The following MGAT4C variants were observed in gnomAD, a reference collection of about 807,000 sequenced individuals.
MGAT4C encodes MGAT4 family member C, also known as alpha-1,3-mannosyl-glycoprotein 4-beta-N-acetylglucosaminyltransferase C.
Under a neutral mutation model 40.1 loss-of-function variants are expected in MGAT4C, and 19 were observed. The ratio of observed to expected loss-of-function variants is 0.47; its 90% CI spans 0.33 to 0.70. The LOEUF (loss-of-function observed/expected upper bound fraction) is 0.70. MGAT4C is among the 30% of genes least tolerant of loss of function. The probability of loss-of-function intolerance (pLI) is 0.02; values close to 1 mark genes in which losing one functional copy is unlikely to be tolerated. For missense variants in MGAT4C, 491 were observed against 563.2 expected, an observed-to-expected ratio of 0.87 and a Z score of 1.30; for synonymous variants, 181 against 187.1, an observed-to-expected ratio of 0.97 and a Z score of 0.27.
chr12:86,392,153 T>C (rs540528511), intron 3 of MGAT4C, among the ~76,000 whole-genome samples: 6 of 152,186 alleles, frequency 3.9e-5, no homozygotes, highest in Admixed American at 6.5e-5. Flanking sequence ...ATAAAAGTTA[T>C]GGTCTTCTAG....
At chr12:86,369,844 G>C (rs1955683495) in intron 3 of MGAT4C, among the ~76,000 whole-genome samples, 1 of 151,844 alleles carries the variant, frequency 6.6e-6, no homozygotes, top group Non-Finnish European at 1.5e-5. Flanking sequence ...TATATGTATA[G>C]CATTTTATGC....
intron 1 of MGAT4C, among the ~76,000 whole-genome samples, chr12:86,198,529 C>A (rs1949911485): frequency 6.6e-6 from 1 of 152,140 alleles, no homozygotes; most frequent in East Asian, 1.9e-4. Flanking sequence ...TGTTCGCATG[C>A]ATAGAAATTG....
intron 2 of MGAT4C, among the ~76,000 whole-genome samples, chr12:86,474,550 T>C (rs999775546): frequency 2.6e-5 from 4 of 151,994 alleles, no homozygotes; most frequent in Non-Finnish European, 4.4e-5. Context: ...AACAGAAATG[T>C]TTAAACCTCC....
chr12:86,527,916 G>T (rs749086347), intron 2 of MGAT4C, among the ~76,000 whole-genome samples: 17 of 152,040 alleles, frequency 1.1e-4, no homozygotes, highest in Non-Finnish European at 1.9e-4. Context: ...GTGGTTACAA[G>T]GCTGAAAGTG....
At chr12:86,485,069 G>A (rs1957998323) in intron 2 of MGAT4C, among the ~76,000 whole-genome samples, 1 of 152,114 alleles carries the variant, frequency 6.6e-6, no homozygotes, top group Admixed American at 6.6e-5. Flanking sequence ...CTGTATAAAG[G>A]CTTTTCCTTC....
intron 2 of MGAT4C, among the ~76,000 whole-genome samples, chr12:86,007,197 T>A (rs1887972517): frequency 6.6e-6 from 1 of 152,164 alleles, no homozygotes. Context: ...GTCTTTAGAA[T>A]TTTACTTACA....
intron 1 of MGAT4C, among the ~76,000 whole-genome samples, chr12:86,757,513 T>G (rs563198142): frequency 1.2e-4 from 19 of 152,256 alleles, no homozygotes; most frequent in African/African-American, 3.6e-4. Flanking sequence ...GGGTCTGGAT[T>G]TGTATTCACT....
At chr12:86,370,676 A>G (rs1405069540) in intron 3 of MGAT4C, among the ~76,000 whole-genome samples, 1 of 152,074 alleles carries the variant, frequency 6.6e-6, no homozygotes, top group African/African-American at 2.4e-5. Context: ...TTCTTATCAC[A>G]CAATAAAGTA....
intron 4 of MGAT4C, among the ~76,000 whole-genome samples, chr12:85,983,311 G>A (rs1237861568): frequency 6.6e-6 from 1 of 152,032 alleles, no homozygotes; most frequent in Non-Finnish European, 1.5e-5. Context: ...CTCACATTAC[G>A]ATTAGGCATT....
chr12:86,497,951 A>T (rs1958272050), intron 2 of MGAT4C, among the ~76,000 whole-genome samples: 1 of 145,308 alleles, frequency 6.9e-6, no homozygotes, highest in Non-Finnish European at 1.5e-5. Flanking sequence ...TATAATATAT[A>T]AAATATATAT....
intron 4 of MGAT4C, among the ~76,000 whole-genome samples, chr12:86,292,730 A>G (rs557963715): frequency 6.6e-6 from 1 of 152,242 alleles, no homozygotes; most frequent in East Asian, 1.9e-4. Flanking sequence ...TACAGCTTGG[A>G]GTGTCATTTT....
chr12:86,678,865 T>C (rs1231667982), intron 2 of MGAT4C, among the ~76,000 whole-genome samples: 20 of 152,160 alleles, frequency 1.3e-4, no homozygotes, highest in Admixed American at 1.3e-3. Flanking sequence ...GTCTTTGCTA[T>C]TGTTAATAGT....
At chr12:86,748,961 A>G (rs968117353) in intron 1 of MGAT4C, among the ~76,000 whole-genome samples, 10 of 150,044 alleles carry the variant, frequency 6.7e-5, no homozygotes, top group Admixed American at 1.3e-4. Context: ...TTTTTTTTCA[A>G]TTACATCCAA....
At position 85,957,657 on chromosome 12, in the gene MGAT4C, C is replaced by CAAAAAAAAAAAAAAAAGAAAAA. The variant is rs1198928059; in HGVS notation, c.*21610_*21631dup. Reference sequence around the variant, plus strand: ...TTTACTGTAGAGTTGAATAAGAAAGCAAAAAAAAAAAAAAAAGAAAAAAGA... The same window carrying CAAAAAAAAAAAAAAAAGAAAAA: ...TTTACTGTAGAGTTGAATAAGAAAGCAAAAAAAAAAAAAAAAGAAAAAAAAAAAAAAAAAAAAAGAAAAAAGA... On this transcript the variant is annotated 3_prime_UTR_variant, in exon 5 of 5. Coordinates refer to ENST00000611864, the MANE Select transcript of MGAT4C (RefSeq NM_001351288.2). 1 of 101,304 alleles carries CAAAAAAAAAAAAAAAAGAAAAA rather than the reference C, an allele frequency of 9.9e-6. No homozygotes were observed. The highest frequency in any genetic ancestry group is 1.9e-5 in the Non-Finnish European group (1 of 52,740). 6.3% of individuals were successfully genotyped at this position (101,304 alleles called of 1,614,324 possible).
At chr12:86,772,233 A>T (rs568374330) in intron 1 of MGAT4C, among the ~76,000 whole-genome samples, 1 of 152,284 alleles carries the variant, frequency 6.6e-6, no homozygotes, top group African/African-American at 2.4e-5. Context: ...ATCCTCCTGG[A>T]CTGTCCTCAT....
At chr12:86,615,525 A>C (rs545752759) in intron 2 of MGAT4C, among the ~76,000 whole-genome samples, 1 of 152,168 alleles carries the variant, frequency 6.6e-6, no homozygotes, top group Non-Finnish European at 1.5e-5. Context: ...ATCTAGCCTC[A>C]TATTTTGTTA....
chr12:86,430,805 T>C (rs1238556638), intron 3 of MGAT4C, among the ~76,000 whole-genome samples: 1 of 152,018 alleles, frequency 6.6e-6, no homozygotes, highest in Non-Finnish European at 1.5e-5. Context: ...AGCCATGAAG[T>C]GGTTTTTTTG....
At chr12:86,338,726 G>A (rs890106973) in intron 3 of MGAT4C, among the ~76,000 whole-genome samples, 12 of 151,940 alleles carry the variant, frequency 7.9e-5, no homozygotes, top group Middle Eastern at 6.3e-3. Context: ...TTGGGAGGTC[G>A]AGGTAGCTGG....
At chr12:86,345,761 A>G (rs1955017593) in intron 3 of MGAT4C, among the ~76,000 whole-genome samples, 2 of 152,218 alleles carry the variant, frequency 1.3e-5, no homozygotes, top group Non-Finnish European at 2.9e-5. Context: ...TCCTTTGGGT[A>G]TATACCCAGT....
Sources: gnomAD v4.1 joint callset for allele counts (sites outside exome capture counted in the v4.1 genomes callset) on GRCh38, gnomAD v4.1.1 for gene constraint, MANE v1.5 for transcripts, NCBI Gene and HGNC (gene_info 2026-07-23, HGNC 2026-07-21) for gene names.